The following CHL1 variants were observed in gnomAD, a reference collection of about 807,000 sequenced individuals.
CHL1 encodes the protein neural cell adhesion molecule L1-like protein.
CHL1 carries 96 observed loss-of-function variants against 141.9 expected under a neutral mutation model. The ratio of observed to expected loss-of-function variants is 0.68; its 90% CI spans 0.57 to 0.80. The LOEUF is 0.80. Ranked by LOEUF, CHL1 falls within the 30% of genes least tolerant of loss-of-function variation. The pLI is 0.00. For synonymous variants in CHL1, 613 were observed against 502.2 expected, an observed-to-expected ratio of 1.22 and a Z score of -2.95; for missense variants, 1,820 against 1,457.2, an observed-to-expected ratio of 1.25 and a Z score of -4.05.
chr3:288,458 G>A (rs1444713735), intron 2 of CHL1, among the ~76,000 whole-genome samples: 3 of 151,928 alleles, frequency 2.0e-5, no homozygotes, highest in African/African-American at 7.2e-5. Context: ...AAGGTAATTA[G>A]CAACTGGTTA....
chr3:287,304 C>G (rs1373905328), intron 2 of CHL1, among the ~76,000 whole-genome samples: 1 of 152,154 alleles, frequency 6.6e-6, no homozygotes, highest in Non-Finnish European at 1.5e-5. Context: ...CACTCCCTCT[C>G]TAGACAATAG....
intron 2 of CHL1, among the ~76,000 whole-genome samples, chr3:265,303 T>C (rs1695058988): frequency 6.6e-6 from 1 of 152,230 alleles, no homozygotes. Context: ...TAGGTTTTTA[T>C]ATGATTAAAT....
intron 15 of CHL1, among the ~76,000 whole-genome samples, chr3:375,651 A>G (rs1706221510): frequency 1.3e-5 from 2 of 152,172 alleles, no homozygotes; most frequent in Middle Eastern, 3.4e-3. Flanking sequence ...AATCAACTTG[A>G]TTAATATTAT....
intron 15 of CHL1, among the ~76,000 whole-genome samples, chr3:369,413 T>G (rs556197139): frequency 5.9e-5 from 9 of 152,204 alleles, no homozygotes; most frequent in Non-Finnish European, 1.2e-4. Flanking sequence ...CTATTGCTGG[T>G]GTAAAGGAAT....
At chr3:308,744 C>T (rs1699470578) in intron 2 of CHL1, 1 of 152,960 alleles carries the variant, frequency 6.5e-6, no homozygotes, top group Non-Finnish European at 1.5e-5. Context: ...TGATCTGGCT[C>T]AGATGGAGCT....
chr3:206,964 C>T (rs964828472), intron 1 of CHL1, among the ~76,000 whole-genome samples: 3 of 152,156 alleles, frequency 2.0e-5, no homozygotes, highest in East Asian at 1.9e-4. Context: ...AAATCGTTGG[C>T]AATGGCAGAT....
chr3:386,603 G>A (rs1451162575), intron 19 of CHL1, among the ~76,000 whole-genome samples: 1 of 152,034 alleles, frequency 6.6e-6, no homozygotes, highest in Non-Finnish European at 1.5e-5. Context: ...ACTTTGCTCA[G>A]CAAAATAACA....
In CHL1 at chr3:398,360, A is replaced by C; in HGVS notation, c.3228A>C (p.Gln1076His). 2 of 1,603,412 alleles carry C rather than the reference A, an allele frequency of 1.2e-6. No individual in the cohort carries two copies. Among genetic ancestry groups the C allele is most frequent in the Non-Finnish European group, 1.7e-6 (2 of 1,170,518 alleles). Residue 1076 changes from glutamine to histidine, a missense_variant, in exon 25 of 28, where the codon CAA (glutamine) becomes CAC (histidine). Gln to His is a conservative substitution (Grantham distance 24). Transcript: ENST00000256509. ...GGGGCGATAATGATAGCATTTTTCA[A>C]GATGTAATTGAGACAAGAGGGAGAG... The part of the protein sequence containing the change: ...KNWGDNDSIF[Q>H]DVIETRGREY...
chr3:215,952 C>G (rs1700282343), intron 1 of CHL1, among the ~76,000 whole-genome samples: 1 of 152,090 alleles, frequency 6.6e-6, no homozygotes, highest in Non-Finnish European at 1.5e-5. Context: ...TTCCACAAAT[C>G]AGTCAGTTTC....
chr3:310,764 A>T (rs1400351303), intron 2 of CHL1, among the ~76,000 whole-genome samples: 1 of 152,204 alleles, frequency 6.6e-6, no homozygotes, highest in African/African-American at 2.4e-5. Context: ...TATAGTTTAC[A>T]TTCGGGTTTC....
chr3:236,685 C>T (rs1042917797), intron 1 of CHL1, among the ~76,000 whole-genome samples: 8 of 151,660 alleles, frequency 5.3e-5, no homozygotes, highest in African/African-American at 1.7e-4. Context: ...ATTATACTGA[C>T]ATTTTCTGTG....
intron 13 of CHL1, among the ~76,000 whole-genome samples, chr3:362,856 C>G (rs1363194586): frequency 1.3e-5 from 2 of 152,190 alleles, no homozygotes; most frequent in African/African-American, 4.8e-5. Flanking sequence ...TTATCTCTTT[C>G]AATTACTAGC....
At chr3:317,038 C>T (rs1377527546) in intron 2 of CHL1, among the ~76,000 whole-genome samples, 1 of 151,992 alleles carries the variant, frequency 6.6e-6, no homozygotes, top group Non-Finnish European at 1.5e-5. Flanking sequence ...GAGCTTTCAT[C>T]GTCAGCTAAT....
intron 2 of CHL1, among the ~76,000 whole-genome samples, chr3:308,385 A>G (rs1444212828): frequency 6.6e-6 from 1 of 152,114 alleles, no homozygotes; most frequent in Non-Finnish European, 1.5e-5. Flanking sequence ...GGTACAAAAA[A>G]TTGTGAGCCC....
rs368839091 is a variant in CHL1 at position 361,740 on chromosome 3, G to T, written c.1348G>T (p.Ala450Ser). The change falls in exon 13 of 28, where the codon GCT becomes TCT. Residue 450 changes from alanine to serine, a missense_variant. Coordinates refer to ENST00000256509, the MANE Select transcript of CHL1 (RefSeq NM_006614.4). ...LIQTKDGENYATVVGYSAFLH... is the reference protein window; with the variant it reads ...LIQTKDGENYSTVVGYSAFLH... Reference sequence around the variant, plus strand: ...ACAAACCAAAGATGGAGAAAATTACGCTACAGTGGTTGGGTACAGTGCTTT... The same window carrying T: ...ACAAACCAAAGATGGAGAAAATTACTCTACAGTGGTTGGGTACAGTGCTTT... The T allele has an allele frequency of 3.7e-6, 6 of 1,613,324 alleles. No individual in the cohort carries two copies. In the African/African-American group the frequency reaches 5.3e-5, roughly 14 times the overall value.
Position 213,988 on chromosome 3 carries a change from A to G in CHL1, c.-175+16925A>G, listed in dbSNP as rs77724706. On this transcript the variant is annotated intron_variant, in intron 1 of 27. Coordinates refer to ENST00000256509, the MANE Select transcript of CHL1 (RefSeq NM_006614.4). ...AGCCCTCCCTAATTTGAGTCAGGTT[A>G]GAGAAAGCCAAACATAGGTGGAATA... Among the ~76,000 whole-genome samples, 466 of 152,318 alleles carry G rather than the reference A, an allele frequency of 3.1e-3. 9 individuals are homozygous for G. The East Asian group carries it at 0.059, about 19-fold the overall frequency.
intron 2 of CHL1, among the ~76,000 whole-genome samples, chr3:277,626 A>G (rs887838882): frequency 5.3e-5 from 8 of 152,242 alleles, no homozygotes; most frequent in African/African-American, 1.9e-4. Context: ...AAAAATGCAA[A>G]AAAAGGGCAT....
At chr3:320,922 G>T (rs753658074) in intron 3 of CHL1, among the ~76,000 whole-genome samples, 23 of 152,064 alleles carry the variant, frequency 1.5e-4, no homozygotes, top group Non-Finnish European at 2.9e-4. Context: ...GGTGTTGGTT[G>T]TTTATTAGAA....
At chr3:259,857 G>A (rs537766394) in intron 2 of CHL1, among the ~76,000 whole-genome samples, 3 of 152,106 alleles carry the variant, frequency 2.0e-5, no homozygotes, top group Non-Finnish European at 4.4e-5. Flanking sequence ...TGGTCATGGG[G>A]CCCGTTTAAC....
Sources: allele counts gnomAD v4.1 joint callset (sites outside exome capture counted in the v4.1 genomes callset), GRCh38; gene constraint gnomAD v4.1.1; transcripts MANE v1.5; gene names NCBI Gene and HGNC (gene_info 2026-07-23, HGNC 2026-07-21).